The following PCNX1 variants were observed in gnomAD, a reference collection of about 807,000 sequenced individuals.
PCNX1 encodes the protein pecanex 1, also known as pecanex-like protein 1.
Under a neutral mutation model 242.2 loss-of-function variants are expected in PCNX1, and 78 were observed. The observed-to-expected ratio is 0.32, with a 90% CI of 0.27 to 0.39. The LOEUF is 0.39. PCNX1 is among the 10% of genes least tolerant of loss of function. The pLI is 1.00. For missense variants in PCNX1, 2,581 were observed against 2,856.5 expected (o/e 0.90, Z 2.20); for synonymous variants, 1,024 against 1,032.9 (o/e 0.99, Z 0.17).
Position 71,056,519 on chromosome 14 carries a change from A to T in PCNX1, c.4636+957A>T, listed in dbSNP as rs1273616468. Among the ~76,000 whole-genome samples, 7 of 152,128 alleles carry T rather than the reference A, an allele frequency of 4.6e-5. No homozygotes were observed. The South Asian group carries it at 1.5e-3, about 32-fold the overall frequency. On this transcript the variant is annotated intron_variant, in intron 25 of 35. Transcript: ENST00000304743. Reference sequence around the variant, plus strand: ...GAGTTTCCCTTTCATTATTTTATTCAATTAGACTGGGTTTAAAATAATTAT... The same window carrying T: ...GAGTTTCCCTTTCATTATTTTATTCTATTAGACTGGGTTTAAAATAATTAT...
rs1237879154 is a variant in PCNX1 at position 70,988,630 on chromosome 14, C to T, written c.2375C>T (p.Ala792Val). 1.2e-6 allele frequency: 2 copies of T among 1,614,080 alleles called. No homozygotes were observed. Among genetic ancestry groups the T allele is most frequent in the East Asian group, 4.5e-5 (2 of 44,868 alleles). The change falls in exon 7 of 36, where the codon GCA (alanine) becomes GTA (valine). Residue 792 changes from alanine (A) to valine (V), a missense_variant. By Grantham distance (64) the Ala-to-Val change is moderately conservative (BLOSUM62 0). Transcript: ENST00000304743. ...GAACGCAGCACATTTAGGCGCCAGG[C>T]AGTACGGCGCCGGCACAATGCAGGG... ...RRERSTFRRQ[A>V]VRRRHNAGSN...
chr14:71,002,827 A>G (rs981964400), intron 8 of PCNX1, among the ~76,000 whole-genome samples: 9 of 152,174 alleles, frequency 5.9e-5, no homozygotes, highest in African/African-American at 2.2e-4. Flanking sequence ...TCTTTTTGAA[A>G]AGAGTTCTAC....
At chr14:70,923,758 T>C (rs2056470240) in intron 1 of PCNX1, among the ~76,000 whole-genome samples, 1 of 152,238 alleles carries the variant, frequency 6.6e-6, no homozygotes, top group Admixed American at 6.5e-5. Context: ...ATTGCCTGGA[T>C]GTATTATTTA....
intron 26 of PCNX1, among the ~76,000 whole-genome samples, chr14:71,058,141 A>G (rs939658610): frequency 3.3e-5 from 5 of 152,106 alleles, no homozygotes; most frequent in East Asian, 1.9e-4. Flanking sequence ...TCTTCCAACA[A>G]TTTTTTTTAA....
intron 5 of PCNX1, among the ~76,000 whole-genome samples, chr14:70,973,108 C>G (rs1173714884): frequency 6.6e-6 from 1 of 151,762 alleles, no homozygotes; most frequent in Admixed American, 6.6e-5. Context: ...CAAAAAATTA[C>G]CTGGGTGTGG....
chr14:71,008,162 T>C (rs1362923278), intron 8 of PCNX1, among the ~76,000 whole-genome samples: 1 of 152,214 alleles, frequency 6.6e-6, no homozygotes, highest in Non-Finnish European at 1.5e-5. Context: ...GTTTTTTTCC[T>C]GGTTCTAGTC....
Position 71,076,701 on chromosome 14 carries a change from C to T in PCNX1, c.5337+282C>T, listed in dbSNP as rs77708924. Among the ~76,000 whole-genome samples the T allele has an allele frequency of 9.0e-3, 1,365 of 152,324 alleles. 10 individuals are homozygous for T. The highest frequency in any genetic ancestry group is 0.012 in the Non-Finnish European group (842 of 68,024). On this transcript the variant is annotated intron_variant, in intron 28 of 35. Transcript: ENST00000304743. ...ATGTACAGGCATGCACATACATTCA[C>T]ATTCCATGCATTACCCTCCAAAATC...
At chr14:70,924,231 C>CA (rs60333920) in intron 1 of PCNX1, among the ~76,000 whole-genome samples, 11,557 of 97,746 alleles carry the variant, frequency 0.12, 597 homozygotes, top group Admixed American at 0.19. Flanking sequence ...GAGACTGTCT[C>CA]AAAAAAAAAA....
At chr14:71,073,873 A>G in intron 27 of PCNX1, 75 bp downstream of exon 27, 6 of 1,032,702 alleles carry the variant, frequency 5.8e-6, no homozygotes, top group Non-Finnish European at 7.9e-6. Flanking sequence ...AAGTATATAT[A>G]TATGTATATA....
chr14:70,919,709 TCCCCCCCCCC>T lies in PCNX1; in HGVS notation c.153+11717_153+11726del, dbSNP rs370539833. ...ATTCTGGTTCCTCTGGTTTCTCTGCTCCCCCCCCCCCCCCCCCCCCACCAAATAGGAGATG... is the reference window on the plus strand; with the variant it reads ...ATTCTGGTTCCTCTGGTTTCTCTGCTCCCCCCCCCCACCAAATAGGAGATG... On this transcript the variant is annotated intron_variant, in intron 1 of 35. Transcript: ENST00000304743. Among the ~76,000 whole-genome samples the T allele has an allele frequency of 0.01, 82 of 8,088 alleles. 18 individuals carry two copies. In the East Asian group the frequency reaches 0.16, roughly 16 times the overall value. 5.3% of individuals were successfully genotyped at this position (8,088 alleles called of 152,430 possible). A position where few individuals can be genotyped will look rare whatever the true frequency, so the allele number is the denominator to read the frequency against.
chr14:71,098,252 T>C (rs901934291), intron 30 of PCNX1, among the ~76,000 whole-genome samples: 1 of 152,212 alleles, frequency 6.6e-6, no homozygotes, highest in African/African-American at 2.4e-5. Context: ...ATAATTGTTT[T>C]GGCTGTTCAG....
chr14:70,955,554 C>T (rs1163530412), intron 2 of PCNX1, among the ~76,000 whole-genome samples: 1 of 152,092 alleles, frequency 6.6e-6, no homozygotes, highest in Non-Finnish European at 1.5e-5. Flanking sequence ...TCTGCCTTTC[C>T]CTGTACCTGG....
intron 2 of PCNX1, among the ~76,000 whole-genome samples, chr14:70,950,225 T>C (rs576730475): frequency 1.3e-5 from 2 of 152,208 alleles, no homozygotes; most frequent in South Asian, 4.1e-4. Flanking sequence ...TTTATTTGCA[T>C]TGATGAACTT....
At chr14:70,998,933 T>TA (rs1311510739) in intron 8 of PCNX1, among the ~76,000 whole-genome samples, 5 of 152,262 alleles carry the variant, frequency 3.3e-5, no homozygotes, top group African/African-American at 7.2e-5. Context: ...TTCTTCAATG[T>TA]AATATGTTGC....
At position 70,978,258 on chromosome 14, in the gene PCNX1, A is replaced by G. The variant is rs1478662880; in HGVS notation, c.1921A>G (p.Ser641Gly). The G allele has an allele frequency of 1.2e-6, 2 of 1,614,130 alleles. No homozygotes were observed. Among genetic ancestry groups the G allele is most frequent in the Non-Finnish European group, 1.7e-6 (2 of 1,180,018 alleles). The change falls in exon 6 of 36, where the codon AGT (serine) becomes GGT (glycine). Residue 641 changes from serine (S) to glycine (G), a missense_variant. Transcript: ENST00000304743. ...HSCQSPEGRY[S>G]ALKTKHTHKE... ...CTGTCAGTCTCCTGAGGGCAGATACAGTGCTCTAAAGACCAAACACACTCA... is the reference window on the plus strand; with the variant it reads ...CTGTCAGTCTCCTGAGGGCAGATACGGTGCTCTAAAGACCAAACACACTCA...
chr14:70,998,376 C>G (rs1435427191), intron 8 of PCNX1, among the ~76,000 whole-genome samples: 1 of 151,934 alleles, frequency 6.6e-6, no homozygotes, highest in Non-Finnish European at 1.5e-5. Flanking sequence ...GGAAAAAGTA[C>G]TTGTATCATC....
chr14:71,079,826 G>C (rs2061807603), intron 28 of PCNX1, among the ~76,000 whole-genome samples: 1 of 152,060 alleles, frequency 6.6e-6, no homozygotes, highest in African/African-American at 2.4e-5. Context: ...TAGGTTGCCT[G>C]TTCACTCTGA....
Position 71,033,520 on chromosome 14 carries a change from G to T in PCNX1, c.3650G>T (p.Ser1217Ile), listed in dbSNP as rs1188553515. 1 of 1,577,318 alleles carries T rather than the reference G, an allele frequency of 6.3e-7. No homozygotes were observed. Among genetic ancestry groups the T allele is most frequent in the Non-Finnish European group, 8.7e-7 (1 of 1,147,246 alleles). Reference protein sequence around the residue: ...AVSYHLSRQSSDPSVLFSLVQ... With the variant: ...AVSYHLSRQSIDPSVLFSLVQ... ...TCTTACCATCTCAGCCGACAAAGCAGTGATCCATCTGTACTTTTGTAAGTG... is the reference window on the plus strand; with the variant it reads ...TCTTACCATCTCAGCCGACAAAGCATTGATCCATCTGTACTTTTGTAAGTG... Residue 1217 changes from serine to isoleucine, a missense_variant, in exon 17 of 36, where the codon AGT becomes ATT. Transcript: ENST00000304743.
At chr14:71,063,953 G>A (rs905488051) in intron 26 of PCNX1, among the ~76,000 whole-genome samples, 5 of 151,858 alleles carry the variant, frequency 3.3e-5, no homozygotes, top group African/African-American at 1.2e-4. Flanking sequence ...TTTCTTTCAT[G>A]TTAATTTTTT....
Sources: gnomAD v4.1 joint callset for allele counts (sites outside exome capture counted in the v4.1 genomes callset) on GRCh38, gnomAD v4.1.1 for gene constraint, MANE v1.5 for transcripts, NCBI Gene and HGNC (gene_info 2026-07-23, HGNC 2026-07-21) for gene names.